PLEKHH2: variants seen among roughly 807,000 people sequenced by gnomAD.
PLEKHH2 encodes pleckstrin homology, MyTH4 and FERM domain containing H2.
A neutral mutation model predicts 187.9 loss-of-function variants in PLEKHH2; 129 were observed. The observed-to-expected ratio is 0.69, with a 90% CI of 0.59 to 0.79. The LOEUF (loss-of-function observed/expected upper bound fraction) is 0.79. Among genes scored for constraint, PLEKHH2 ranks in the 30% least tolerant of loss-of-function variants. The pLI, the probability that PLEKHH2 is intolerant of heterozygous loss-of-function variation, is 0.00. For synonymous variants in PLEKHH2, 686 were observed against 605.6 expected, an observed-to-expected ratio of 1.13 and a Z score of -1.95; for missense variants, 2,076 against 1,751.2, an observed-to-expected ratio of 1.19 and a Z score of -3.31.
chr2:43,755,910 C>T (rs1042708934), intron 25 of PLEKHH2, among the ~76,000 whole-genome samples: 1 of 152,174 alleles, frequency 6.6e-6, no homozygotes, highest in Non-Finnish European at 1.5e-5. Context: ...TGGAAACTGG[C>T]ACAATGTCAC....
intron 17 of PLEKHH2, among the ~76,000 whole-genome samples, chr2:43,727,410 C>CAAAAAAAA (rs57973493): frequency 6.1e-5 from 7 of 114,818 alleles, no homozygotes; most frequent in Admixed American, 9.1e-5. Context: ...GACTCCGTCT[C>CAAAAAAAA]AAAAAAAAAA....
At position 43,763,201 on chromosome 2, in the gene PLEKHH2, C is replaced by T. The variant is rs1423650669; in HGVS notation, c.4158+811C>T. 8.6e-5 allele frequency among the ~76,000 whole-genome samples: 13 copies of T among 152,016 alleles called. No homozygotes were observed. In the East Asian group the frequency reaches 2.5e-3, roughly 29 times the overall value. On this transcript the variant is annotated intron_variant, in intron 28 of 29. Transcript: ENST00000282406. Reference sequence around the variant, plus strand: ...ATCAGTGACTTAAAGTAAAAACAAACAAACCAAAAAACCTATACACCAGTA... The same window carrying T: ...ATCAGTGACTTAAAGTAAAAACAAATAAACCAAAAAACCTATACACCAGTA...
intron 2 of PLEKHH2, chr2:43,675,593 T>G: frequency 6.2e-7 from 1 of 1,613,716 alleles, no homozygotes; most frequent in Non-Finnish European, 8.5e-7. Context: ...GGTTTTGTAT[T>G]AAATACATCT....
chr2:43,718,352 A>C (rs1475533032), intron 15 of PLEKHH2, among the ~76,000 whole-genome samples: 1 of 152,152 alleles, frequency 6.6e-6, no homozygotes, highest in Non-Finnish European at 1.5e-5. Context: ...ATCCTGGCCA[A>C]CATGGTGAAA....
chr2:43,736,662 T>G (rs1222221896), intron 19 of PLEKHH2, among the ~76,000 whole-genome samples: 2 of 152,040 alleles, frequency 1.3e-5, no homozygotes, highest in Non-Finnish European at 2.9e-5. Flanking sequence ...GGGGAAACCC[T>G]GTCTCTACTA....
intron 14 of PLEKHH2, chr2:43,711,823 G>C (rs1264740905): frequency 1.8e-6 from 1 of 541,634 alleles, no homozygotes; most frequent in East Asian, 1.4e-4. Context: ...GAACCCAGGA[G>C]GCGGAGCTTG....
At chr2:43,738,893 A>C (rs142126631) in intron 20 of PLEKHH2, among the ~76,000 whole-genome samples, 1 of 152,198 alleles carries the variant, frequency 6.6e-6, no homozygotes, top group Non-Finnish European at 1.5e-5. Context: ...TGCAGTAGAC[A>C]TCTTTGAACC....
chr2:43,762,497 A>C, intron 28 of PLEKHH2, 107 bp downstream of exon 28: 1 of 831,652 alleles, frequency 1.2e-6, no homozygotes, highest in Admixed American at 2.1e-5. Flanking sequence ...CTTACCCAGG[A>C]AACATTCTTC....
At chr2:43,675,391 C>A in intron 2 of PLEKHH2, 2 of 1,588,106 alleles carry the variant, frequency 1.3e-6, no homozygotes, top group South Asian at 2.4e-5. Context: ...ATTTTCTGAA[C>A]CAACTGGAGG....
At position 43,710,281 on chromosome 2, in the gene PLEKHH2, G is replaced by A. The variant is rs900138866; in HGVS notation, c.2165G>A (p.Arg722Gln). 1.1e-5 allele frequency: 17 copies of A among 1,614,004 alleles called. No individual in the cohort carries two copies. In the African/African-American group the frequency reaches 1.1e-4, roughly 10 times the overall value. Residue 722 changes from arginine to glutamine, a missense_variant, in exon 13 of 30, where the codon CGG (arginine) becomes CAG (glutamine). Transcript: ENST00000282406. ...KMSGKVKSWK[R>Q]RWFVLKGGEL... ...AGTGGTAAAGTCAAGTCTTGGAAGC[G>A]GCGGTGGTTTGTTCTTAAAGGTGGT...
chr2:43,747,012 A>G (rs1572655792), intron 24 of PLEKHH2, among the ~76,000 whole-genome samples: 1 of 150,550 alleles, frequency 6.6e-6, no homozygotes, highest in Non-Finnish European at 1.5e-5. Context: ...TGTTTGCCTC[A>G]GTCTTTTGGA....
intron 15 of PLEKHH2, among the ~76,000 whole-genome samples, chr2:43,716,425 G>C (rs917026745): frequency 9.2e-5 from 14 of 152,314 alleles, no homozygotes; most frequent in Non-Finnish European, 1.6e-4. Context: ...TTTACTAAGA[G>C]TGGGGAAAAG....
At chr2:43,703,916 C>CTTTTTTT (rs10530805) in intron 8 of PLEKHH2, 65 bp from the exon 9 acceptor site, 9 of 387,558 alleles carry the variant, frequency 2.3e-5, no homozygotes, top group Admixed American at 3.9e-5. Context: ...TGAAAGTAGT[C>CTTTTTTT]TTTTTTTTTT....
At chr2:43,723,188 C>T (rs1015377642) in intron 16 of PLEKHH2, among the ~76,000 whole-genome samples, 2 of 152,070 alleles carry the variant, frequency 1.3e-5, no homozygotes, top group African/African-American at 4.8e-5. Context: ...AATTTGTTTT[C>T]TTCATCCTAT....
At chr2:43,753,045 C>G (rs1008273261) in intron 24 of PLEKHH2, among the ~76,000 whole-genome samples, 1 of 152,188 alleles carries the variant, frequency 6.6e-6, no homozygotes, top group Non-Finnish European at 1.5e-5. Context: ...GAAACCTTCA[C>G]TTCCTTTTCT....
chr2:43,704,595 G>C lies in PLEKHH2; in HGVS notation c.1726+539G>C, dbSNP rs750685727. 2.8e-5 allele frequency among the ~76,000 whole-genome samples: 4 copies of C among 144,706 alleles called. No homozygotes were observed. In the East Asian group the frequency reaches 7.9e-4, roughly 29 times the overall value. The allele number at this position is 144,706 out of a possible 152,430, so 94.9% of individuals were successfully genotyped here. A position where few individuals can be genotyped will look rare whatever the true frequency, so the allele number is the denominator to read the frequency against. The stretch of plus-strand genomic sequence containing the variant: ...GGAGGATGGCGTGAACCGAGGAGGT[G>C]GAGCTTTCAGTGAGCTGAGATTGTG... On this transcript the variant is annotated intron_variant, in intron 9 of 29. Coordinates refer to ENST00000282406, the MANE Select transcript of PLEKHH2 (RefSeq NM_172069.4).
chr2:43,694,872 G>A (rs757502804), intron 5 of PLEKHH2, among the ~76,000 whole-genome samples: 120 of 151,994 alleles, frequency 7.9e-4, no homozygotes, highest in Middle Eastern at 3.2e-3. Flanking sequence ...AGCTGAAATC[G>A]TTTCCTTTAA....
intron 1 of PLEKHH2, among the ~76,000 whole-genome samples, chr2:43,642,591 T>G (rs1165690256): frequency 1.3e-5 from 2 of 152,190 alleles, no homozygotes; most frequent in Non-Finnish European, 2.9e-5. Context: ...ATGTTAGCTG[T>G]GGGCTTTAGT....
At chr2:43,691,556 G>C (rs1254729291) in intron 3 of PLEKHH2, among the ~76,000 whole-genome samples, 2 of 152,232 alleles carry the variant, frequency 1.3e-5, no homozygotes, top group Non-Finnish European at 2.9e-5. Flanking sequence ...TCTGGTTCAA[G>C]GATTTACCAG....
Sources: gnomAD v4.1 joint callset for allele counts (sites outside exome capture counted in the v4.1 genomes callset) on GRCh38, gnomAD v4.1.1 for gene constraint, MANE v1.5 for transcripts, NCBI Gene and HGNC (gene_info 2026-07-23, HGNC 2026-07-21) for gene names.